OPCML: variants seen among roughly 807,000 people sequenced by gnomAD.
OPCML encodes the protein opioid binding protein/cell adhesion molecule like, also known as opioid-binding protein/cell adhesion molecule.
OPCML carries 13 observed loss-of-function variants against 37.8 expected under a neutral mutation model. The ratio of observed to expected loss-of-function variants is 0.34; its 90% CI spans 0.22 to 0.55. OPCML has a LOEUF of 0.55. Among genes scored for constraint, OPCML ranks in the 20% least tolerant of loss-of-function variants. OPCML has a pLI of 0.91. For synonymous variants in OPCML, 176 were observed against 168.8 expected, an observed-to-expected ratio of 1.04 and a Z score of -0.33; for missense variants, 341 against 435.6, an observed-to-expected ratio of 0.78 and a Z score of 1.93.
intron 1 of OPCML, among the ~76,000 whole-genome samples, chr11:132,999,273 C>T (rs1946947411): frequency 6.6e-6 from 1 of 152,030 alleles, no homozygotes; most frequent in South Asian, 2.1e-4. Context: ...GGCGAGACCC[C>T]CTCTCGCCCC....
intron 1 of OPCML, among the ~76,000 whole-genome samples, chr11:132,968,832 A>G (rs1946274664): frequency 2.0e-5 from 3 of 152,068 alleles, no homozygotes; most frequent in Admixed American, 2.0e-4. Context: ...CAGCAAACAG[A>G]TTTACTTCCT....
intron 1 of OPCML, among the ~76,000 whole-genome samples, chr11:132,970,087 A>G (rs1000105641): frequency 5.9e-5 from 9 of 151,748 alleles, no homozygotes; most frequent in Non-Finnish European, 1.2e-4. Context: ...TTGTTTAGTG[A>G]CTCATCCATC....
chr11:133,012,374 T>C (rs1283760992), intron 1 of OPCML, among the ~76,000 whole-genome samples: 1 of 152,070 alleles, frequency 6.6e-6, no homozygotes, highest in Non-Finnish European at 1.5e-5. Flanking sequence ...ACTACAGAAC[T>C]CTAGAAGATT....
At chr11:133,324,584 C>T (rs1235567096) in intron 1 of OPCML, among the ~76,000 whole-genome samples, 5 of 152,150 alleles carry the variant, frequency 3.3e-5, no homozygotes, top group South Asian at 2.1e-4. Context: ...AAGACGCCTA[C>T]GGGCCTCTGT....
rs1286826253 is a variant in OPCML, at chr11:132,420,100, A to G, written c.*93T>C. On this transcript the variant is annotated 3_prime_UTR_variant, in exon 8 of 8. Transcript: ENST00000524381. ...AAATCTAGAATAACAGAAAAAAACA[A>G]AAAGAAGCCCAAGCTGGTTTGCTCT... 2.0e-6 allele frequency: 2 copies of G among 1,018,012 alleles called. No homozygotes were observed. The highest frequency in any genetic ancestry group is 2.9e-6 in the Non-Finnish European group (2 of 693,172). 63.1% of individuals were successfully genotyped at this position (1,018,012 alleles called of 1,614,324 possible). A position where few individuals can be genotyped will look rare whatever the true frequency, so the allele number is the denominator to read the frequency against.
At chr11:132,787,937 G>A (rs1205997500) in intron 2 of OPCML, among the ~76,000 whole-genome samples, 1 of 152,204 alleles carries the variant, frequency 6.6e-6, no homozygotes, top group Non-Finnish European at 1.5e-5. Context: ...CTGGTGTGCA[G>A]TGGTGCAATC....
intron 2 of OPCML, among the ~76,000 whole-genome samples, chr11:132,786,807 A>G (rs1947228782): frequency 6.6e-6 from 1 of 152,288 alleles, no homozygotes; most frequent in South Asian, 2.1e-4. Context: ...TCTTTCTTCA[A>G]AAGTGACTCC....
At chr11:132,638,542 C>T (rs1036880194) in intron 3 of OPCML, among the ~76,000 whole-genome samples, 1 of 152,072 alleles carries the variant, frequency 6.6e-6, no homozygotes, top group African/African-American at 2.4e-5. Flanking sequence ...AAAAGATAAC[C>T]AGCTGTTGTT....
At chr11:133,357,834 A>G (rs565862175) in intron 1 of OPCML, among the ~76,000 whole-genome samples, 1 of 152,218 alleles carries the variant, frequency 6.6e-6, no homozygotes, top group South Asian at 2.1e-4. Flanking sequence ...CTGCCAGGCT[A>G]CTAGCACATT....
intron 1 of OPCML, among the ~76,000 whole-genome samples, chr11:133,490,622 G>C (rs1947634692): frequency 6.6e-6 from 1 of 152,142 alleles, no homozygotes; most frequent in South Asian, 2.1e-4. Context: ...ATATAAGTGA[G>C]ACCATGCCAC....
Position 132,420,032 on chromosome 11 carries a change from A to G in OPCML, c.*161T>C. ...CCCCAACCCCACTCATTCAAGCTGG[A>G]AATAAAAGCAAACAAACAAATAAAC... On this transcript the variant is annotated 3_prime_UTR_variant, in exon 8 of 8. Transcript: ENST00000524381. The G allele has an allele frequency of 5.3e-5, 15 of 285,292 alleles. No homozygotes were observed. The highest frequency in any genetic ancestry group is 1.0e-4 in the East Asian group (1 of 9,980). 17.7% of individuals were successfully genotyped at this position (285,292 alleles called of 1,614,324 possible). A position where few individuals can be genotyped will look rare whatever the true frequency, so the allele number is the denominator to read the frequency against.
chr11:132,422,326 T>C (rs1308000318), intron 7 of OPCML, among the ~76,000 whole-genome samples: 2 of 152,018 alleles, frequency 1.3e-5, no homozygotes, highest in Non-Finnish European at 2.9e-5. Context: ...AGTGGGGCAA[T>C]ATACACAGAA....
chr11:133,404,203 T>C (rs1336090957), intron 1 of OPCML, among the ~76,000 whole-genome samples: 1 of 152,238 alleles, frequency 6.6e-6, no homozygotes, highest in East Asian at 1.9e-4. Context: ...TACCTTTGTG[T>C]CCACATTTCC....
intron 1 of OPCML, among the ~76,000 whole-genome samples, chr11:133,390,532 T>C (rs1945154258): frequency 6.6e-6 from 1 of 151,952 alleles, no homozygotes; most frequent in Admixed American, 6.5e-5. Flanking sequence ...GGTGTCAAAA[T>C]CTGGGACAAA....
chr11:133,407,097 G>A (rs2136856032), intron 1 of OPCML, among the ~76,000 whole-genome samples: 1 of 152,196 alleles, frequency 6.6e-6, no homozygotes, highest in African/African-American at 2.4e-5. Flanking sequence ...TCCCCTCTAG[G>A]TCTGAGGTTA....
At chr11:132,722,627 C>G (rs940370501) in intron 2 of OPCML, among the ~76,000 whole-genome samples, 2 of 151,994 alleles carry the variant, frequency 1.3e-5, no homozygotes, top group African/African-American at 4.8e-5. Flanking sequence ...GGAACATCAT[C>G]GTTAGTTGAT....
chr11:132,637,931 A>G (rs1940609349), intron 3 of OPCML, among the ~76,000 whole-genome samples: 1 of 152,006 alleles, frequency 6.6e-6, no homozygotes, highest in African/African-American at 2.4e-5. Flanking sequence ...TCTGCATTGG[A>G]AGATTGGGAA....
intron 1 of OPCML, among the ~76,000 whole-genome samples, chr11:133,344,727 C>A (rs2136678123): frequency 6.6e-6 from 1 of 152,272 alleles, no homozygotes; most frequent in Middle Eastern, 3.4e-3. Flanking sequence ...TAGGGGTTTG[C>A]TTGTCATTTT....
chr11:133,387,496 C>G (rs530613618), intron 1 of OPCML, among the ~76,000 whole-genome samples: 2 of 152,354 alleles, frequency 1.3e-5, no homozygotes, highest in Non-Finnish European at 2.9e-5. Flanking sequence ...ACAGGCAAAG[C>G]TGCATCCCTT....
Sources: allele counts gnomAD v4.1 joint callset (sites outside exome capture counted in the v4.1 genomes callset), GRCh38; gene constraint gnomAD v4.1.1; transcripts MANE v1.5; gene names NCBI Gene and HGNC (gene_info 2026-07-23, HGNC 2026-07-21).